Variants in NGLY1 observed in about 807,000 individuals in gnomAD.
NGLY1 encodes peptide-N(4)-(N-acetyl-beta-glucosaminyl)asparagine amidase.
NGLY1 carries 68 observed loss-of-function variants against 84.6 expected under a neutral mutation model. The ratio of observed to expected loss-of-function variants is 0.80; its 90% CI spans 0.66 to 0.98. NGLY1 has a LOEUF of 0.98. NGLY1 is among the 50% of genes least tolerant of loss of function. The pLI, the probability that NGLY1 is intolerant of heterozygous loss-of-function variation, is 0.00. For missense variants in NGLY1, 779 were observed against 770.2 expected (o/e 1.01, Z -0.14); for synonymous variants, 280 against 275.2 (o/e 1.02, Z -0.17).
intron 6 of NGLY1, 60 bp from the exon 7 acceptor site, chr3:25,736,209 C>G: frequency 6.3e-7 from 1 of 1,585,310 alleles, no homozygotes; most frequent in Non-Finnish European, 8.6e-7. Flanking sequence ...GAATGACTTT[C>G]AATAACTATA....
At chr3:25,731,635 G>A (rs987718111) in intron 9 of NGLY1, among the ~76,000 whole-genome samples, 11 of 152,032 alleles carry the variant, frequency 7.2e-5, no homozygotes, top group African/African-American at 2.7e-4. Context: ...CACTGAAAAC[G>A]TGAATATAAA....
At chr3:25,756,607 C>T (rs994366746) in intron 3 of NGLY1, among the ~76,000 whole-genome samples, 13 of 152,202 alleles carry the variant, frequency 8.5e-5, no homozygotes, top group African/African-American at 2.4e-5. Flanking sequence ...AGTAATTACA[C>T]TGGACCTAGG....
At chr3:25,737,505 G>A in intron 5 of NGLY1, 50 bp from the exon 6 acceptor site, 1 of 1,446,282 alleles carries the variant, frequency 6.9e-7, no homozygotes. Context: ...AGATTTTTAA[G>A]AGAATTTACA....
At chr3:25,778,892 T>TG (rs55749138) in intron 1 of NGLY1, among the ~76,000 whole-genome samples, 59 of 133,948 alleles carry the variant, frequency 4.4e-4, no homozygotes, top group African/African-American at 1.5e-3. Flanking sequence ...TTTTTTGAGA[T>TG]GGGGGGGGTC....
rs563970657 is a variant in NGLY1 at position 25,738,520 on chromosome 3, A to G, written c.881+1057T>C. On this transcript the variant is annotated intron_variant, in intron 5 of 11. Transcript: ENST00000280700. ...GCCACGTGCTTTGGAAGGAAAGGAA[A>G]CAGTGGCATAAATGAATGGGCTCTG... 2.0e-5 allele frequency among the ~76,000 whole-genome samples: 3 copies of G among 152,318 alleles called. No homozygotes were observed. In the East Asian group the frequency reaches 5.8e-4, roughly 29 times the overall value.
At chr3:25,775,026 C>T (rs1708089648) in intron 2 of NGLY1, among the ~76,000 whole-genome samples, 1 of 152,230 alleles carries the variant, frequency 6.6e-6, no homozygotes, top group South Asian at 2.1e-4. Context: ...TTAATTTCAG[C>T]TCTAGGTAAG....
Position 25,736,021 on chromosome 3 carries a change from C to T in NGLY1, c.1132G>A (p.Ala378Thr), listed in dbSNP as rs1484575882. 2 of 1,612,312 alleles carry T rather than the reference C, an allele frequency of 1.2e-6. No homozygotes were observed. The highest frequency in any genetic ancestry group is 1.7e-6 in the Non-Finnish European group (2 of 1,179,386). The change falls in exon 7 of 12, where the codon GCA (alanine) becomes ACA (threonine). Residue 378 changes from alanine (A) to threonine (T), a missense_variant. Transcript: ENST00000280700. ...TGCTCTACCTCATCTTTTGAAAATG[C>T]TATGACATAGGAAAGCTTCTTGCCC... The part of the protein sequence containing the change: ...GWGKKLSYVI[A>T]FSKDEVVDVT...
At chr3:25,778,904 C>T (rs1299349227) in intron 1 of NGLY1, among the ~76,000 whole-genome samples, 1 of 126,914 alleles carries the variant, frequency 7.9e-6, no homozygotes, top group Non-Finnish European at 1.7e-5. Context: ...GGGGGGGTCT[C>T]GCTTCAGTTT....
At chr3:25,751,859 T>C (rs1320211684) in intron 3 of NGLY1, among the ~76,000 whole-genome samples, 1 of 152,178 alleles carries the variant, frequency 6.6e-6, no homozygotes, top group East Asian at 1.9e-4. Context: ...TCTCCCTCCT[T>C]GTCACCTCAT....
intron 4 of NGLY1, chr3:25,749,505 C>T: frequency 6.3e-7 from 1 of 1,577,116 alleles, no homozygotes. Flanking sequence ...CCCTCAGACC[C>T]CTTGTGAAGC....
intron 10 of NGLY1, among the ~76,000 whole-genome samples, chr3:25,723,559 T>C (rs1228801540): frequency 9.3e-6 from 1 of 107,248 alleles, no homozygotes; most frequent in Non-Finnish European, 2.2e-5. Flanking sequence ...ATAGAATTTA[T>C]AAAAAACCTC....
intron 3 of NGLY1, among the ~76,000 whole-genome samples, chr3:25,754,324 A>T (rs1055101869): frequency 7.2e-5 from 11 of 152,244 alleles, no homozygotes; most frequent in Non-Finnish European, 1.5e-4. Flanking sequence ...GAAGAAGCTA[A>T]CAAAAAGGGA....
At chr3:25,758,851 G>GT (rs1208187975) in intron 3 of NGLY1, among the ~76,000 whole-genome samples, 4 of 152,294 alleles carry the variant, frequency 2.6e-5, no homozygotes, top group Admixed American at 1.3e-4. Context: ...AGGGCATGGA[G>GT]GACCAGGGAT....
chr3:25,750,991 C>T (rs1335762262), intron 4 of NGLY1, 107 bp downstream of exon 4: 3 of 1,070,384 alleles, frequency 2.8e-6, no homozygotes, highest in African/African-American at 3.2e-5. Context: ...TAAGTGGACC[C>T]ATGCAGTTCA....
intron 6 of NGLY1, chr3:25,736,666 C>T (rs957054587): frequency 3.3e-6 from 1 of 301,390 alleles, no homozygotes; most frequent in Non-Finnish European, 6.1e-6. Context: ...GTAGACCACA[C>T]AAGTTATTTC....
In NGLY1 at chr3:25,778,633, T is replaced by C. The variant is rs770261107; in HGVS notation, c.187A>G (p.Thr63Ala). 1.2e-6 allele frequency: 2 copies of C among 1,613,054 alleles called. No individual in the cohort carries two copies. The highest frequency in any genetic ancestry group is 2.2e-5 in the East Asian group (1 of 44,822). Reference sequence around the variant, plus strand: ...GCTCCTCTGACAGGCAAGAGTCTAGTAGAAAAGGCTGTGTTTCCAATCCGG... The same window carrying C: ...GCTCCTCTGACAGGCAAGAGTCTAGCAGAAAAGGCTGTGTTTCCAATCCGG... ...SIRIGNTAFS[T>A]RLLPVRGAVE... Residue 63 changes from threonine to alanine, a missense_variant, in exon 2 of 12, where the codon ACT becomes GCT. Thr to Ala is a moderately conservative substitution (Grantham distance 58). Coordinates refer to ENST00000280700, the MANE Select transcript of NGLY1 (RefSeq NM_018297.4).
At chr3:25,730,790 G>A (rs1420075715) in intron 9 of NGLY1, among the ~76,000 whole-genome samples, 1 of 152,096 alleles carries the variant, frequency 6.6e-6, no homozygotes, top group African/African-American at 2.4e-5. Context: ...TGTAACAATG[G>A]CAAATTTAGA....
At chr3:25,766,560 A>T (rs919136785) in intron 2 of NGLY1, among the ~76,000 whole-genome samples, 1 of 152,252 alleles carries the variant, frequency 6.6e-6, no homozygotes, top group Non-Finnish European at 1.5e-5. Context: ...ACATTTGTAC[A>T]ACTGTAATGA....
At chr3:25,745,359 T>A (rs1257738592) in intron 4 of NGLY1, among the ~76,000 whole-genome samples, 1 of 152,170 alleles carries the variant, frequency 6.6e-6, no homozygotes, top group Non-Finnish European at 1.5e-5. Context: ...ATTTTAGCAA[T>A]CTCATTTACC....
Sources: gnomAD v4.1 joint callset for allele counts (sites outside exome capture counted in the v4.1 genomes callset) on GRCh38, gnomAD v4.1.1 for gene constraint, MANE v1.5 for transcripts, NCBI Gene and HGNC (gene_info 2026-07-23, HGNC 2026-07-21) for gene names.